Variants in ABCA3 observed in about 807,000 individuals in gnomAD.
ABCA3 encodes the protein ATP binding cassette subfamily A member 3.
In ABCA3, 88 loss-of-function variants were observed where a neutral mutation model predicts 172.8. That is an observed-to-expected ratio of 0.51 (90% CI 0.43 to 0.61). ABCA3 has a LOEUF of 0.61. Ranked by LOEUF, ABCA3 falls within the 20% of genes least tolerant of loss-of-function variation. The pLI, the probability that ABCA3 is intolerant of heterozygous loss-of-function variation, is 0.00. For missense variants in ABCA3, 2,164 were observed against 2,301.0 expected, an observed-to-expected ratio of 0.94 and a Z score of 1.22; for synonymous variants, 1,066 against 983.8, an observed-to-expected ratio of 1.08 and a Z score of -1.56.
rs558244985 is a variant in ABCA3, at chr16:2,281,393, C to T, written c.4152G>A (p.Lys1384=). 1.2e-6 allele frequency: 2 copies of T among 1,613,724 alleles called. No individual in the cohort carries two copies. Among genetic ancestry groups the T allele is most frequent in the African/African-American group, 2.7e-5 (2 of 75,064 alleles). Residue 1384 remains lysine (K), a synonymous_variant, in exon 27 of 33, where the codon AAG becomes AAA. Transcript: ENST00000301732. The surrounding 1 kb of genome is among the most constrained non-coding windows in gnomAD (Gnocchi z 4.7). The part of the protein sequence containing the change: ...DSLLHTPLII[K]ELSKVYEQRV... Reference sequence around the variant, plus strand: ...ATTGCAAGGGTACCTTGGAGAGCTCCTTGATAATCAGAGGTGTGTGGAGCA... The same window carrying T: ...ATTGCAAGGGTACCTTGGAGAGCTCTTTGATAATCAGAGGTGTGTGGAGCA...
At chr16:2,301,188 A>G (rs4787274) in intron 12 of ABCA3, among the ~76,000 whole-genome samples, 58,721 of 148,276 alleles carry the variant, frequency 0.4, 11,697 homozygotes, top group Admixed American at 0.48. Context: ...CCGAGATGGC[A>G]CCACTGTACT....
chr16:2,334,431 CTTTTT>C (rs993678320), intron 1 of ABCA3, among the ~76,000 whole-genome samples: 7 of 151,902 alleles, frequency 4.6e-5, no homozygotes, highest in Non-Finnish European at 8.8e-5. Flanking sequence ...AGGACATTAT[CTTTTT>C]TGAGAGACGG....
At chr16:2,326,729 T>C (rs2093735027) in intron 3 of ABCA3, among the ~76,000 whole-genome samples, 1 of 152,158 alleles carries the variant, frequency 6.6e-6, no homozygotes, top group Non-Finnish European at 1.5e-5. Flanking sequence ...GGCTCATGCC[T>C]GTAATCTCAA....
chr16:2,322,106 G>A (rs1358766969), intron 7 of ABCA3, among the ~76,000 whole-genome samples: 2 of 151,842 alleles, frequency 1.3e-5, no homozygotes, highest in East Asian at 3.9e-4. Context: ...GTTGAGGCAG[G>A]AGAATCGCTT....
chr16:2,293,997 G>T (rs922159644), intron 18 of ABCA3, among the ~76,000 whole-genome samples: 1 of 150,976 alleles, frequency 6.6e-6, no homozygotes, highest in Admixed American at 6.6e-5. Flanking sequence ...TGATTCCCTG[G>T]TTTTTTCTTT....
At chr16:2,328,342 C>CAA (rs1277998108) in intron 3 of ABCA3, 111 bp downstream of exon 3, 2 of 339,152 alleles carry the variant, frequency 5.9e-6, no homozygotes, top group Non-Finnish European at 1.2e-5. Flanking sequence ...CCAGCCTGGG[C>CAA]AACATAGCAA....
rs756851614 is a variant in ABCA3, at chr16:2,286,755, C to T, written c.3217G>A (p.Val1073Met). 5 of 1,613,956 alleles carry T rather than the reference C, an allele frequency of 3.1e-6. No homozygotes were observed. In the South Asian group the frequency reaches 5.5e-5, roughly 18 times the overall value. The change falls in exon 22 of 33, where the codon GTG (valine) becomes ATG (methionine). Residue 1073 changes from valine to methionine, a missense_variant. Val to Met is a conservative substitution (Grantham distance 21). Transcript: ENST00000301732. This position sits in a 1 kb window ranked among gnomAD's most constrained non-coding sequence, Gnocchi z 5.2. Reference protein sequence around the residue: ...KLLCGPHASIVVSNFPQPRSA... With the variant: ...KLLCGPHASIMVSNFPQPRSA... ...CGGGGCTGGGGGAAGTTGGAGACCA[C>T]AATGGAGGCGTGAGGCCCGCACAGC...
rs1181120042 is a variant in ABCA3 at position 2,332,522 on chromosome 16, C to A, written c.-538-2668G>T. 28 of 987,572 alleles carry A rather than the reference C, an allele frequency of 2.8e-5. No individual in the cohort carries two copies. In the South Asian group the frequency reaches 3.8e-4, roughly 13 times the overall value. The allele number at this position is 987,572 out of a possible 1,614,324, so 61.2% of individuals were successfully genotyped here. On this transcript the variant is annotated intron_variant, in intron 1 of 32. Coordinates refer to ENST00000301732, the MANE Select transcript of ABCA3 (RefSeq NM_001089.3). ...TGACGGGTAGCATAAATCTGGGCCA[C>A]ATGACCACCACCCTCCACACGGACA...
chr16:2,304,385 A>G (rs1215789943), intron 11 of ABCA3, among the ~76,000 whole-genome samples: 1 of 152,150 alleles, frequency 6.6e-6, no homozygotes, highest in Non-Finnish European at 1.5e-5. Context: ...TTCACTGACT[A>G]GACAGGCTTG....
chr16:2,297,953 G>A lies in ABCA3; in HGVS notation c.1897-32C>T. On this transcript the variant is annotated intron_variant, in intron 15 of 32. Coordinates refer to ENST00000301732, the MANE Select transcript of ABCA3 (RefSeq NM_001089.3). The surrounding 1 kb of genome is among the most constrained non-coding windows in gnomAD (Gnocchi z 5.6). The stretch of plus-strand genomic sequence containing the variant: ...CGACAGGGGACGCAGGGAGATGCAG[G>A]GCTCCTGGCGGGAGGCCGACCCTGG... 5 of 1,612,238 alleles carry A rather than the reference G, an allele frequency of 3.1e-6. No homozygotes were observed. Among genetic ancestry groups the A allele is most frequent in the Non-Finnish European group, 4.2e-6 (5 of 1,179,884 alleles).
chr16:2,287,420 C>T lies in ABCA3; in HGVS notation c.3005-453G>A, dbSNP rs928956577. Among the ~76,000 whole-genome samples the T allele has an allele frequency of 3.3e-5, 5 of 152,134 alleles. No homozygotes were observed. The highest frequency in any genetic ancestry group is 9.7e-5 in the African/African-American group (4 of 41,414). On this transcript the variant is annotated intron_variant, in intron 21 of 32. Coordinates refer to ENST00000301732, the MANE Select transcript of ABCA3 (RefSeq NM_001089.3). The surrounding 1 kb of genome is among the most constrained non-coding windows in gnomAD (Gnocchi z 4.1). ...TCAGCCTCCAGAGTAGCTGGGATTA[C>T]AGGTACCCATCACCACACCTAGCTA...
rs969620627 is a variant in ABCA3 at position 2,304,259 on chromosome 16, C to T, written c.1286-109G>A. On this transcript the variant is annotated intron_variant, in intron 11 of 32. Coordinates refer to ENST00000301732, the MANE Select transcript of ABCA3 (RefSeq NM_001089.3). ...CACATTTGACCTTGCATGGCCACTG[C>T]TTGGTTGGCATGCCTTTTCCCTTCC... is the stretch of plus-strand genomic sequence containing the variant. 4.3e-6 allele frequency: 5 copies of T among 1,176,358 alleles called. No homozygotes were observed. The African/African-American group carries it at 6.0e-5, about 14-fold the overall frequency. The allele number at this position is 1,176,358 out of a possible 1,614,324, so 72.9% of individuals were successfully genotyped here.
At chr16:2,318,996 C>A (rs1020676487) in intron 8 of ABCA3, among the ~76,000 whole-genome samples, 3 of 151,836 alleles carry the variant, frequency 2.0e-5, no homozygotes, top group African/African-American at 4.8e-5. Context: ...CCACTGCTGA[C>A]TCCCTCAATG....
At chr16:2,308,771 C>T (rs2093701994) in intron 10 of ABCA3, 148 bp from the exon 11 acceptor site, 2 of 879,872 alleles carry the variant, frequency 2.3e-6, no homozygotes, top group South Asian at 1.5e-5. Context: ...ACACAAGCTC[C>T]AGCACGGGGG....
At chr16:2,298,351 G>A (rs1340419666) in intron 15 of ABCA3, 35 bp downstream of exon 15, 2 of 1,613,462 alleles carry the variant, frequency 1.2e-6, no homozygotes, top group Admixed American at 3.3e-5. Context: ...CACATCAGTG[G>A]AAACACCCCT....
chr16:2,340,371 C>G (rs1236312161), intron 1 of ABCA3, among the ~76,000 whole-genome samples: 1 of 151,634 alleles, frequency 6.6e-6, no homozygotes, highest in Non-Finnish European at 1.5e-5. Context: ...AGGGAGCGCC[C>G]GGAGCCGAGG....
Position 2,300,067 on chromosome 16 carries a change from C to G in ABCA3, c.1549G>C (p.Glu517Gln). 6.2e-7 allele frequency: 1 copy of G among 1,613,684 alleles called. No homozygotes were observed. The highest frequency in any genetic ancestry group is 8.5e-7 in the Non-Finnish European group (1 of 1,179,938). ...TCCTCTGGCTCGGCTTCAAAGTACTCGTTTCTGAGTGCTTTCTCGGGGTCA... is the reference window on the plus strand; with the variant it reads ...TCCTCTGGCTCGGCTTCAAAGTACTGGTTTCTGAGTGCTTTCTCGGGGTCA... ...DSDPEKALRN[E>Q]YFEAEPEDLV... The change falls in exon 13 of 33, where the codon GAG becomes CAG. Residue 517 changes from glutamate (E) to glutamine (Q), a missense_variant. By Grantham distance (29) the Glu-to-Gln change is conservative. Around this residue, in one of 3 missense-constraint regions of ABCA3, gnomAD observed 1,343 missense variants for 1,369.6 expected, o/e 0.98. Transcript: ENST00000301732.
chr16:2,301,178 C>A (rs1415386890), intron 12 of ABCA3, among the ~76,000 whole-genome samples: 1 of 149,198 alleles, frequency 6.7e-6, no homozygotes, highest in East Asian at 2.0e-4. Context: ...TTGCAGTGAG[C>A]CGAGATGGCA....
chr16:2,335,421 A>T (rs2093750232), intron 1 of ABCA3, among the ~76,000 whole-genome samples: 1 of 151,882 alleles, frequency 6.6e-6, no homozygotes, highest in South Asian at 2.1e-4. Context: ...CTGGGACTAC[A>T]GGCATGTACC....
Sources: allele counts gnomAD v4.1 joint callset (sites outside exome capture counted in the v4.1 genomes callset), GRCh38; gene constraint gnomAD v4.1.1; regional missense constraint gnomAD v4.1.1; non-coding constraint Gnocchi (gnomAD v3.1); transcripts MANE v1.5; gene names NCBI Gene and HGNC (gene_info 2026-07-23, HGNC 2026-07-21).